The following NFIA variants were observed in gnomAD, a reference collection of about 807,000 sequenced individuals.
NFIA encodes the protein nuclear factor 1 A-type.
A neutral mutation model predicts 62.8 loss-of-function variants in NFIA; 8 were observed. The ratio of observed to expected loss-of-function variants is 0.13; its 90% CI spans 0.07 to 0.23. The LOEUF (loss-of-function observed/expected upper bound fraction) is 0.23. NFIA is among the 10% of genes least tolerant of loss of function. The pLI, the probability that NFIA is intolerant of heterozygous loss-of-function variation, is 1.00. For synonymous variants in NFIA, 235 were observed against 238.1 expected (o/e 0.99, Z 0.12); for missense variants, 410 against 642.1 (o/e 0.64, Z 3.91).
chr1:61,390,428 G>A (rs1307983686), intron 7 of NFIA, among the ~76,000 whole-genome samples: 1 of 152,054 alleles, frequency 6.6e-6, no homozygotes, highest in African/African-American at 2.4e-5. Context: ...ATAAACCAAA[G>A]ATTTATTGTG....
At position 61,406,566 on chromosome 1, in the gene NFIA, A is replaced by G. The variant is rs1341981280; in HGVS notation, c.1259A>G (p.Asn420Ser). The G allele has an allele frequency of 7.6e-6, 6 of 785,232 alleles. No individual in the cohort carries two copies. Among genetic ancestry groups the G allele is most frequent in the East Asian group, 1.1e-4 (2 of 17,490 alleles). 48.6% of individuals were successfully genotyped at this position (785,232 alleles called of 1,614,324 possible). The change falls in exon 9 of 11, where the codon AAT (asparagine) becomes AGT (serine). Residue 420 changes from asparagine to serine, a missense_variant. Asn to Ser is a conservative substitution (Grantham distance 46, BLOSUM62 1). Coordinates refer to ENST00000403491, the MANE Select transcript of NFIA (RefSeq NM_001134673.4). ...CTGCCCCCCCCCCCCCCACAGCCCA[A>G]TGGGAGCAGCCAAGGCAAGGTGCAC... ...QAGQVGFLNP[N>S]GSSQGKVHNP...
intron 2 of NFIA, among the ~76,000 whole-genome samples, chr1:61,157,030 C>T (rs927082059): frequency 3.9e-5 from 6 of 152,184 alleles, no homozygotes; most frequent in Non-Finnish European, 5.9e-5. Flanking sequence ...CTGGCCACAC[C>T]AGTGGCCAAA....
chr1:61,247,412 G>T (rs1187315791), intron 2 of NFIA, among the ~76,000 whole-genome samples: 1 of 152,174 alleles, frequency 6.6e-6, no homozygotes, highest in Non-Finnish European at 1.5e-5. Context: ...CAGTATCTTT[G>T]GAACAGTCAC....
intron 9 of NFIA, among the ~76,000 whole-genome samples, chr1:61,407,706 A>G (rs1665913163): frequency 6.6e-6 from 1 of 152,202 alleles, no homozygotes; most frequent in Admixed American, 6.5e-5. Flanking sequence ...GGGGGTTGTC[A>G]AAAGAAGTGA....
At chr1:61,349,317 A>G (rs545425160) in intron 4 of NFIA, among the ~76,000 whole-genome samples, 2 of 151,970 alleles carry the variant, frequency 1.3e-5, no homozygotes, top group South Asian at 4.2e-4. Context: ...TCAGTCTTCC[A>G]TTTTTTTTAG....
intron 7 of NFIA, among the ~76,000 whole-genome samples, chr1:61,398,627 T>TA (rs1001695281): frequency 4.8e-4 from 73 of 152,362 alleles, no homozygotes; most frequent in African/African-American, 1.6e-3. Context: ...TGTTAAAAGA[T>TA]ATGTACCATA....
chr1:61,169,967 TTG>T (rs1377304556), intron 2 of NFIA, among the ~76,000 whole-genome samples: 2 of 152,184 alleles, frequency 1.3e-5, no homozygotes, highest in Non-Finnish European at 2.9e-5. Context: ...TGCCATTATA[TTG>T]TGATTTTTGG....
At chr1:61,310,684 C>T (rs1660052705) in intron 3 of NFIA, among the ~76,000 whole-genome samples, 1 of 152,062 alleles carries the variant, frequency 6.6e-6, no homozygotes, top group Admixed American at 6.6e-5. Context: ...ACCAAACGTG[C>T]CACTTGCCTT....
intron 7 of NFIA, among the ~76,000 whole-genome samples, chr1:61,392,322 AAG>A (rs1665021657): frequency 6.6e-6 from 1 of 152,176 alleles, no homozygotes; most frequent in South Asian, 2.1e-4. Context: ...AAAGGAAAAA[AAG>A]AGTGCCAGCA....
At chr1:61,191,372 C>T (rs898793858) in intron 2 of NFIA, among the ~76,000 whole-genome samples, 9 of 152,088 alleles carry the variant, frequency 5.9e-5, no homozygotes, top group Non-Finnish European at 8.8e-5. Context: ...TCACCGTGAC[C>T]TGAGTGGATA....
chr1:61,098,723 A>G (rs1001321980), intron 2 of NFIA, among the ~76,000 whole-genome samples: 17 of 152,350 alleles, frequency 1.1e-4, no homozygotes, highest in South Asian at 2.1e-4. Flanking sequence ...CAGTAACTAC[A>G]GTTTTAAAAA....
chr1:61,088,418 A>G lies in NFIA; in HGVS notation c.297A>G (p.Lys99=). ...EDFVLTVTGK[K]PPCCVLSNPD... Reference sequence around the variant, plus strand: ...TTGTTCTTACAGTTACAGGGAAAAAACCTCCATGTTGTGTTCTTTCCAACC... The same window carrying G: ...TTGTTCTTACAGTTACAGGGAAAAAGCCTCCATGTTGTGTTCTTTCCAACC... The change falls in exon 2 of 11, where the codon AAA becomes AAG. Residue 99 remains lysine (K), a synonymous_variant. Transcript: ENST00000403491. This position sits in a 1 kb window ranked among gnomAD's most constrained non-coding sequence, Gnocchi z 4.5. The G allele has an allele frequency of 6.2e-7, 1 of 1,613,586 alleles. No homozygotes were observed.
intron 2 of NFIA, among the ~76,000 whole-genome samples, chr1:61,214,914 T>G (rs1473828677): frequency 1.3e-5 from 2 of 152,190 alleles, no homozygotes; most frequent in Non-Finnish European, 2.9e-5. Flanking sequence ...CCCTTAAATG[T>G]AACTCCTTTA....
intron 3 of NFIA, among the ~76,000 whole-genome samples, chr1:61,306,294 T>TTTTA (rs748026405): frequency 0.013 from 1,459 of 109,416 alleles, 29 homozygotes; most frequent in African/African-American, 0.015. Context: ...TTTTTTTTTT[T>TTTTA]AAGACAGAGT....
chr1:61,342,637 C>A (rs1465207673), intron 4 of NFIA, among the ~76,000 whole-genome samples: 5 of 152,166 alleles, frequency 3.3e-5, no homozygotes, highest in Admixed American at 6.5e-5. Context: ...AAGTTTAAGA[C>A]CTGCAAAAGC....
chr1:61,421,616 C>T (rs960630137), intron 9 of NFIA, among the ~76,000 whole-genome samples: 2 of 152,170 alleles, frequency 1.3e-5, no homozygotes, highest in African/African-American at 4.8e-5. Flanking sequence ...TCTTTTCTGC[C>T]AAGGTGCCTC....
chr1:61,155,458 G>A (rs979096437), intron 2 of NFIA, among the ~76,000 whole-genome samples: 1 of 151,516 alleles, frequency 6.6e-6, no homozygotes. Context: ...TGGATCATGA[G>A]GTCAGGAGAT....
rs1665587766 is a variant in NFIA, at chr1:61,402,041, T to TTTTC, written c.1076-2060_1076-2059insCTTT. ...AAGTTTTACTCATTTTTCTTTTTTT[T>TTTTC]TTTTTTTTTTTTTTGAGACGGAGTC... On this transcript the variant is annotated intron_variant, in intron 7 of 10. Transcript: ENST00000403491. Among the ~76,000 whole-genome samples, 2 of 136,616 alleles carry TTTTC rather than the reference T, an allele frequency of 1.5e-5. 1 individual carries two copies. Among genetic ancestry groups the TTTTC allele is most frequent in the South Asian group, 4.8e-4 (2 of 4,138 alleles). The allele number at this position is 136,616 out of a possible 152,430, so 89.6% of individuals were successfully genotyped here.
chr1:61,418,019 T>G (rs1325137833), intron 9 of NFIA, among the ~76,000 whole-genome samples: 1 of 152,200 alleles, frequency 6.6e-6, no homozygotes, highest in African/African-American at 2.4e-5. Context: ...TAATAAGAGA[T>G]CTAATGAATT....
Sources: gnomAD v4.1 joint callset for allele counts (sites outside exome capture counted in the v4.1 genomes callset) on GRCh38, gnomAD v4.1.1 for gene constraint, Gnocchi (gnomAD v3.1) non-coding constraint, MANE v1.5 for transcripts, NCBI Gene and HGNC (gene_info 2026-07-23, HGNC 2026-07-21) for gene names.